Variants in THSD1 observed in about 807,000 individuals in gnomAD.
THSD1 encodes the protein thrombospondin type-1 domain-containing protein 1.
THSD1 carries 34 observed loss-of-function variants against 46.3 expected under a neutral mutation model. The observed-to-expected ratio is 0.74, with a 90% CI of 0.56 to 0.98. The LOEUF (loss-of-function observed/expected upper bound fraction) is 0.98, where lower values mean the gene tolerates loss of function less well. Among genes scored for constraint, THSD1 ranks in the 50% least tolerant of loss-of-function variants. The pLI, the probability that THSD1 is intolerant of heterozygous loss-of-function variation, is 0.00. For missense variants in THSD1, 1,023 were observed against 1,058.3 expected (o/e 0.97, Z 0.46); for synonymous variants, 407 against 416.5 (o/e 0.98, Z 0.28).
intron 3 of THSD1, among the ~76,000 whole-genome samples, chr13:52,387,753 G>T (rs1453572706): frequency 1.3e-5 from 2 of 152,034 alleles, no homozygotes; most frequent in East Asian, 3.8e-4. Context: ...CAAGTAAATA[G>T]AAATGTCCCA....
At chr13:52,392,647 T>C (rs530460347) in intron 3 of THSD1, among the ~76,000 whole-genome samples, 6 of 152,372 alleles carry the variant, frequency 3.9e-5, no homozygotes, top group African/African-American at 1.4e-4. Flanking sequence ...ATAAGCAAAA[T>C]ATGCCTTAAA....
chr13:52,381,042 C>T (rs1204705173), intron 4 of THSD1, among the ~76,000 whole-genome samples: 5 of 152,028 alleles, frequency 3.3e-5, no homozygotes, highest in African/African-American at 4.8e-5. Flanking sequence ...AATCTTAAAC[C>T]GCTCAACCCA....
At chr13:52,387,592 G>T (rs182578407) in intron 3 of THSD1, among the ~76,000 whole-genome samples, 1 of 152,246 alleles carries the variant, frequency 6.6e-6, no homozygotes, top group Non-Finnish European at 1.5e-5. Context: ...AGGTGAACAA[G>T]ATGCATAAAC....
chr13:52,391,543 CAT>C (rs1355234702), intron 3 of THSD1, among the ~76,000 whole-genome samples: 12 of 137,538 alleles, frequency 8.7e-5, no homozygotes, highest in Admixed American at 1.4e-4. Context: ...TATAATTTTA[CAT>C]ATATATATAT....
At position 52,401,140 on chromosome 13, in the gene THSD1, A is replaced by G. The variant is rs1957856324; in HGVS notation, c.58+1403T>C. Among the ~76,000 whole-genome samples, 3 of 151,472 alleles carry G rather than the reference A, an allele frequency of 2.0e-5. No individual in the cohort carries two copies. In the South Asian group the frequency reaches 6.2e-4, roughly 32 times the overall value. On this transcript the variant is annotated intron_variant, in intron 2 of 4. Transcript: ENST00000258613. ...CAAGTGCGTCTCACCACATCCAGCT[A>G]ATTTTTGTATTTTTAGTAGAAACGG...
intron 3 of THSD1, among the ~76,000 whole-genome samples, chr13:52,387,651 AT>A (rs1957742910): frequency 1.3e-5 from 2 of 152,252 alleles, no homozygotes; most frequent in African/African-American, 4.8e-5. Flanking sequence ...TCAAATGGAA[AT>A]ATTAGAATTT....
chr13:52,395,056 A>G (rs2137741635), intron 3 of THSD1, among the ~76,000 whole-genome samples: 1 of 152,308 alleles, frequency 6.6e-6, no homozygotes, highest in Middle Eastern at 3.4e-3. Flanking sequence ...GCCCCAGTGC[A>G]GAGATGGTGA....
chr13:52,405,357 A>G (rs1957898748), intron 1 of THSD1, among the ~76,000 whole-genome samples: 1 of 152,268 alleles, frequency 6.6e-6, no homozygotes, highest in Non-Finnish European at 1.5e-5. Flanking sequence ...GATTCGTGAA[A>G]GAATAAAATG....
At chr13:52,391,063 T>C (rs1957769378) in intron 3 of THSD1, among the ~76,000 whole-genome samples, 1 of 152,192 alleles carries the variant, frequency 6.6e-6, no homozygotes, top group Admixed American at 6.5e-5. Context: ...TCTTTATGTT[T>C]TGTAGTGCTT....
At chr13:52,392,633 T>C (rs1957782031) in intron 3 of THSD1, among the ~76,000 whole-genome samples, 1 of 152,366 alleles carries the variant, frequency 6.6e-6, no homozygotes, top group East Asian at 1.9e-4. Flanking sequence ...GGTTTTAATT[T>C]TGAATAAGCA....
Position 52,378,010 on chromosome 13 carries a change from C to T in THSD1, c.1960G>A (p.Ala654Thr), listed in dbSNP as rs774263884. Residue 654 changes from alanine (A) to threonine (T), a missense_variant, in exon 5 of 5, where the codon GCG (alanine) becomes ACG (threonine). Around this residue, in one of 3 missense-constraint regions of THSD1, gnomAD observed 578 missense variants for 497.4 expected, o/e 1.16. Coordinates refer to ENST00000258613, the MANE Select transcript of THSD1 (RefSeq NM_018676.4). ...GCCTGCCTGGCTTCATGGAAACTCGCTGTCCTCCTGAAATGGGCGTTCCTG... is the reference window on the plus strand; with the variant it reads ...GCCTGCCTGGCTTCATGGAAACTCGTTGTCCTCCTGAAATGGGCGTTCCTG... The part of the protein sequence containing the change: ...HARNAHFRRT[A>T]SFHEARQARP... 6.2e-6 allele frequency: 10 copies of T among 1,614,062 alleles called. No individual in the cohort carries two copies. In the African/African-American group the frequency reaches 1.2e-4, roughly 19 times the overall value.
intron 3 of THSD1, among the ~76,000 whole-genome samples, chr13:52,388,527 G>A (rs935764845): frequency 2.0e-5 from 3 of 152,172 alleles, no homozygotes; most frequent in Non-Finnish European, 2.9e-5. Context: ...TGCCCAGGAT[G>A]GAGTGCAATG....
Position 52,377,889 on chromosome 13 carries a change from C to T in THSD1, c.2081G>A (p.Arg694Lys), listed in dbSNP as rs73484102. 8 of 1,614,100 alleles carry T rather than the reference C, an allele frequency of 5.0e-6. No individual in the cohort carries two copies. In the East Asian group the frequency reaches 1.8e-4, roughly 36 times the overall value. The change falls in exon 5 of 5, where the codon AGA (arginine) becomes AAA (lysine). Residue 694 changes from arginine (R) to lysine (K), a missense_variant. This residue lies in a region of THSD1 where 578 missense variants were observed against 497.4 expected (regional missense o/e 1.16). Coordinates refer to ENST00000258613, the MANE Select transcript of THSD1 (RefSeq NM_018676.4). ...GGCACCTCGACTCTGAGGCCTAAATCTGTCCTCTGCCTGCTCGCAGGTCCG... is the reference window on the plus strand; with the variant it reads ...GGCACCTCGACTCTGAGGCCTAAATTTGTCCTCTGCCTGCTCGCAGGTCCG... ...RTRTCEQAEDRFRPQSRGAHL... is the reference protein window; with the variant it reads ...RTRTCEQAEDKFRPQSRGAHL...
chr13:52,397,561 G>C lies in THSD1; in HGVS notation c.692C>G (p.Thr231Arg). 1.2e-6 allele frequency: 2 copies of C among 1,614,204 alleles called. No homozygotes were observed. Among genetic ancestry groups the C allele is most frequent in the Non-Finnish European group, 1.7e-6 (2 of 1,180,048 alleles). The change falls in exon 3 of 5, where the codon ACA becomes AGA. Residue 231 changes from threonine (T) to arginine (R), a missense_variant. Thr to Arg is a moderately conservative substitution (Grantham distance 71, BLOSUM62 -1). Coordinates refer to ENST00000258613, the MANE Select transcript of THSD1 (RefSeq NM_018676.4). ...LLGRDSVITS[T>R]GPIDLAQKFG... ...TTTCTGGGCCAGGTCAATGGGTCCT[G>C]TGGAGGTAATGACTGAGTCTCGCCC... is the stretch of plus-strand genomic sequence containing the variant.
Position 52,397,755 on chromosome 13 carries a change from T to C in THSD1, c.498A>G (p.Val166=). The C allele has an allele frequency of 6.2e-7, 1 of 1,614,242 alleles. No homozygotes were observed. Among genetic ancestry groups the C allele is most frequent in the Non-Finnish European group, 8.5e-7 (1 of 1,180,046 alleles). The change falls in exon 3 of 5, where the codon GTA becomes GTG. Residue 166 remains valine (V), a synonymous_variant. Coordinates refer to ENST00000258613, the MANE Select transcript of THSD1 (RefSeq NM_018676.4). ...CPFPVDKPNI[V]VDVIFTNSLP... Reference sequence around the variant, plus strand: ...GACTGTTGGTGAAGATGACATCCACTACGATGTTGGGCTTGTCCACAGGAA... The same window carrying C: ...GACTGTTGGTGAAGATGACATCCACCACGATGTTGGGCTTGTCCACAGGAA...
At chr13:52,401,732 G>C (rs73184397) in intron 2 of THSD1, among the ~76,000 whole-genome samples, 6 of 152,304 alleles carry the variant, frequency 3.9e-5, no homozygotes, top group Non-Finnish European at 7.3e-5. Context: ...ACAGGCTCTG[G>C]TCCATTTAAC....
Position 52,378,380 on chromosome 13 carries a change from G to A in THSD1, c.1590C>T (p.Tyr530=). 3 of 1,614,114 alleles carry A rather than the reference G, an allele frequency of 1.9e-6. No individual in the cohort carries two copies. The highest frequency in any genetic ancestry group is 1.1e-5 in the South Asian group (1 of 91,082). Residue 530 remains tyrosine, a synonymous_variant, in exon 5 of 5, where the codon TAC becomes TAT. Coordinates refer to ENST00000258613, the MANE Select transcript of THSD1 (RefSeq NM_018676.4). ...CCTTTAACTGCTGCTGGGCAAGGCG[G>A]TAGCTGAACAGAGGTGGGATTATCT... The part of the protein sequence containing the change: ...AQKIIPPLFS[Y]RLAQQQLKEM...
intron 4 of THSD1, among the ~76,000 whole-genome samples, chr13:52,380,277 T>C (rs930779574): frequency 1.3e-5 from 2 of 152,070 alleles, no homozygotes; most frequent in African/African-American, 4.8e-5. Context: ...TATGGCTTTT[T>C]TTCCCATGTT....
In THSD1 at chr13:52,377,724, G is replaced by A; in HGVS notation, c.2246C>T (p.Ala749Val). The stretch of plus-strand genomic sequence containing the variant: ...GTGGGGCTCTGTTCTCTCAATTCCG[G>A]CCACTAATCCTGCCTGGTGATCCCC... Reference protein sequence around the residue: ...DLGDHQAGLVAGIERTEPHRA... With the variant: ...DLGDHQAGLVVGIERTEPHRA... The change falls in exon 5 of 5, where the codon GCC becomes GTC. Residue 749 changes from alanine (A) to valine (V), a missense_variant. By Grantham distance (64) the Ala-to-Val change is moderately conservative (BLOSUM62 0). Around this residue, in one of 3 missense-constraint regions of THSD1, gnomAD observed 578 missense variants for 497.4 expected, o/e 1.16. Coordinates refer to ENST00000258613, the MANE Select transcript of THSD1 (RefSeq NM_018676.4). 2 of 1,613,082 alleles carry A rather than the reference G, an allele frequency of 1.2e-6. No homozygotes were observed. The highest frequency in any genetic ancestry group is 1.3e-5 in the African/African-American group (1 of 75,006).
Sources: gnomAD v4.1 joint callset for allele counts (sites outside exome capture counted in the v4.1 genomes callset) on GRCh38, gnomAD v4.1.1 for gene constraint, gnomAD v4.1.1 regional missense constraint, MANE v1.5 for transcripts, NCBI Gene and HGNC (gene_info 2026-07-23, HGNC 2026-07-21) for gene names.